Variants in SHISA9 observed in about 807,000 individuals in gnomAD.
The protein encoded by SHISA9 is shisa family member 9.
A neutral mutation model predicts 38.0 loss-of-function variants in SHISA9; 13 were observed. The ratio of observed to expected loss-of-function variants is 0.34; its 90% CI spans 0.22 to 0.54. The LOEUF (loss-of-function observed/expected upper bound fraction) is 0.54. Among genes scored for constraint, SHISA9 ranks in the 20% least tolerant of loss-of-function variants. The pLI is 0.91. For synonymous variants in SHISA9, 275 were observed against 242.0 expected, an observed-to-expected ratio of 1.14 and a Z score of -1.27; for missense variants, 538 against 575.8, an observed-to-expected ratio of 0.93 and a Z score of 0.67.
At chr16:13,334,604 C>T in the SHISA9 span, among the ~76,000 whole-genome samples, 1 of 151,912 alleles carries the variant, frequency 6.6e-6, no homozygotes, top group African/African-American at 2.4e-5. Context: ...GAAACCCCGT[C>T]TCTACTCAAA....
At chr16:12,983,237 G>A (rs1376877351) in intron 2 of SHISA9, among the ~76,000 whole-genome samples, 1 of 152,214 alleles carries the variant, frequency 6.6e-6, no homozygotes, top group Non-Finnish European at 1.5e-5. Context: ...GCTTGTGGCA[G>A]CGGGGAGTGG....
intron 2 of SHISA9, among the ~76,000 whole-genome samples, chr16:13,109,948 T>C (rs948535128): frequency 8.5e-5 from 13 of 152,248 alleles, no homozygotes; most frequent in Non-Finnish European, 1.8e-4. Flanking sequence ...TTATGAGTAA[T>C]GCTGCTATGA....
At chr16:13,252,879 G>T in the SHISA9 span, among the ~76,000 whole-genome samples, 1 of 152,064 alleles carries the variant, frequency 6.6e-6, no homozygotes, top group Non-Finnish European at 1.5e-5. Context: ...GTTGACCCTT[G>T]AACAACATGG....
chr16:13,529,444 G>C, the SHISA9 span, among the ~76,000 whole-genome samples: 3 of 152,144 alleles, frequency 2.0e-5, no homozygotes, highest in African/African-American at 7.2e-5. Flanking sequence ...CCTATGACCT[G>C]TAAATCTCCA....
chr16:13,351,334 C>T, the SHISA9 span, among the ~76,000 whole-genome samples: 1 of 152,150 alleles, frequency 6.6e-6, no homozygotes, highest in Non-Finnish European at 1.5e-5. Flanking sequence ...GGTAAACATA[C>T]TCCTCCGTAT....
chr16:13,037,127 C>CACAG lies in SHISA9; in HGVS notation c.691+120315_691+120316insGACA, dbSNP rs1567190868. ...ACACACAGACACACACACACACACA[C>CACAG]ACACACACACACACACACACACACA... On this transcript the variant is annotated intron_variant, in intron 2 of 4. Transcript: ENST00000558583. Among the ~76,000 whole-genome samples the CACAG allele has an allele frequency of 1.3e-3, 185 of 147,598 alleles. 5 individuals carry two copies. The East Asian group carries it at 0.031, about 25-fold the overall frequency.
intron 2 of SHISA9, among the ~76,000 whole-genome samples, chr16:12,969,464 C>T (rs565461623): frequency 2.6e-4 from 39 of 151,666 alleles, no homozygotes; most frequent in African/African-American, 6.3e-4. Flanking sequence ...GTTCTCCAGG[C>T]GGGGTGCAGT....
intron 4 of SHISA9, among the ~76,000 whole-genome samples, chr16:13,215,048 C>T (rs773777338): frequency 6.6e-6 from 1 of 152,078 alleles, no homozygotes; most frequent in Non-Finnish European, 1.5e-5. Context: ...CTGGAAGGCT[C>T]TTGCAGGTGG....
intron 2 of SHISA9, among the ~76,000 whole-genome samples, chr16:12,938,554 A>G (rs995419743): frequency 2.6e-5 from 4 of 151,614 alleles, no homozygotes; most frequent in Non-Finnish European, 5.9e-5. Flanking sequence ...TTGGAGTGCA[A>G]TGGCATGATC....
the SHISA9 span, among the ~76,000 whole-genome samples, chr16:13,481,347 A>T: frequency 1.0e-3 from 154 of 152,346 alleles, 2 homozygotes; most frequent in Middle Eastern, 3.4e-3. Context: ...GCTATTTGGA[A>T]AAAGTACAAC....
chr16:13,437,294 G>A, the SHISA9 span, among the ~76,000 whole-genome samples: 1 of 152,112 alleles, frequency 6.6e-6, no homozygotes, highest in African/African-American at 2.4e-5. Context: ...GACATTAAAA[G>A]GCTCCCCTCC....
At chr16:13,297,905 C>T in the SHISA9 span, among the ~76,000 whole-genome samples, 23 of 152,112 alleles carry the variant, frequency 1.5e-4, no homozygotes, top group South Asian at 2.1e-4. Context: ...TAGAGTCATG[C>T]GCCACCACGT....
intron 2 of SHISA9, among the ~76,000 whole-genome samples, chr16:13,189,611 G>C (rs74877028): frequency 9.6e-4 from 146 of 152,290 alleles, no homozygotes; most frequent in African/African-American, 3.5e-3. Flanking sequence ...TTAGCCTGTG[G>C]TAACCATCTG....
chr16:12,913,012 G>A (rs1239076926), intron 1 of SHISA9, among the ~76,000 whole-genome samples: 2 of 151,848 alleles, frequency 1.3e-5, no homozygotes, highest in Non-Finnish European at 2.9e-5. Flanking sequence ...CCTCACAAAG[G>A]CATTTCCTGA....
the SHISA9 span, among the ~76,000 whole-genome samples, chr16:13,537,055 C>G: frequency 6.6e-6 from 1 of 152,012 alleles, no homozygotes; most frequent in Non-Finnish European, 1.5e-5. Context: ...TCTGGAATCC[C>G]ATAATAAGGT....
At chr16:13,287,497 G>C in the SHISA9 span, among the ~76,000 whole-genome samples, 1 of 152,182 alleles carries the variant, frequency 6.6e-6, no homozygotes, top group Non-Finnish European at 1.5e-5. Context: ...TTTTTAGATA[G>C]AATAGATGTT....
chr16:12,986,471 A>G (rs1309526752), intron 2 of SHISA9, among the ~76,000 whole-genome samples: 2 of 152,154 alleles, frequency 1.3e-5, no homozygotes, highest in African/African-American at 4.8e-5. Flanking sequence ...AAATAATGGA[A>G]GTGTCCATCT....
At chr16:13,370,677 T>C in the SHISA9 span, among the ~76,000 whole-genome samples, 1 of 152,200 alleles carries the variant, frequency 6.6e-6, no homozygotes, top group Non-Finnish European at 1.5e-5. Flanking sequence ...ACTATGATCT[T>C]GTTTTGAACA....
At chr16:13,336,989 G>A in the SHISA9 span, among the ~76,000 whole-genome samples, 18 of 152,284 alleles carry the variant, frequency 1.2e-4, no homozygotes, top group African/African-American at 4.3e-4. Flanking sequence ...GTGGCCACAA[G>A]GATATTCTCT....
Sources: allele counts gnomAD v4.1 joint callset (sites outside exome capture counted in the v4.1 genomes callset), GRCh38; gene constraint gnomAD v4.1.1; transcripts MANE v1.5; gene names NCBI Gene and HGNC (gene_info 2026-07-23, HGNC 2026-07-21).